The following ANKS1B variants were observed in gnomAD, a reference collection of about 807,000 sequenced individuals.
The protein encoded by ANKS1B is ankyrin repeat and sterile alpha motif domain containing 1B, also known as ankyrin repeat and sterile alpha motif domain-containing protein 1B.
ANKS1B carries 36 observed loss-of-function variants against 148.3 expected under a neutral mutation model. The observed-to-expected ratio is 0.24, with a 90% CI of 0.19 to 0.32. The LOEUF (loss-of-function observed/expected upper bound fraction) is 0.32, where lower values mean the gene tolerates loss of function less well. Ranked by LOEUF, ANKS1B falls within the 10% of genes least tolerant of loss-of-function variation. ANKS1B has a pLI of 1.00. For synonymous variants in ANKS1B, 542 were observed against 560.8 expected (o/e 0.97, Z 0.47); for missense variants, 1,157 against 1,542.6 (o/e 0.75, Z 4.19).
At chr12:99,761,809 C>T (rs1258730994) in intron 8 of ANKS1B, among the ~76,000 whole-genome samples, 5 of 152,058 alleles carry the variant, frequency 3.3e-5, no homozygotes, top group Non-Finnish European at 7.4e-5. Context: ...TAAACTCCAA[C>T]AAAAAGCTGT....
intron 8 of ANKS1B, among the ~76,000 whole-genome samples, chr12:99,667,324 G>C (rs1169459486): frequency 7.0e-6 from 1 of 142,142 alleles, no homozygotes; most frequent in Non-Finnish European, 1.5e-5. Context: ...ACTCCAGTCT[G>C]GGTGACAGAG....
At chr12:99,901,182 T>C (rs1191139028) in intron 1 of ANKS1B, among the ~76,000 whole-genome samples, 5 of 152,118 alleles carry the variant, frequency 3.3e-5, no homozygotes, top group African/African-American at 7.2e-5. Flanking sequence ...TAAAGAACAA[T>C]TACTATATAA....
At chr12:99,452,102 A>G (rs2152823502) in intron 10 of ANKS1B, among the ~76,000 whole-genome samples, 1 of 152,262 alleles carries the variant, frequency 6.6e-6, no homozygotes, top group Non-Finnish European at 1.5e-5. Context: ...TAAATATTGT[A>G]AGCTCTGTAA....
At chr12:99,204,988 T>TA (rs1394587297) in intron 14 of ANKS1B, among the ~76,000 whole-genome samples, 1 of 152,160 alleles carries the variant, frequency 6.6e-6, no homozygotes, top group Non-Finnish European at 1.5e-5. Flanking sequence ...GGAGATGCAT[T>TA]ATTTTATTTT....
intron 17 of ANKS1B, among the ~76,000 whole-genome samples, chr12:98,927,101 AGAGAATCTT>A (rs2099809288): frequency 1.3e-5 from 2 of 152,150 alleles, no homozygotes; most frequent in African/African-American, 4.8e-5. Flanking sequence ...AAAGACAAAA[AGAGAATCTT>A]GAGAATGCCA....
At chr12:99,519,167 T>C (rs1250034765) in intron 9 of ANKS1B, among the ~76,000 whole-genome samples, 2 of 152,148 alleles carry the variant, frequency 1.3e-5, no homozygotes. Flanking sequence ...GAATGATCCA[T>C]GTGCTAAGGA....
At chr12:98,984,846 C>T (rs2153233419) in intron 17 of ANKS1B, among the ~76,000 whole-genome samples, 1 of 152,006 alleles carries the variant, frequency 6.6e-6, no homozygotes, top group African/African-American at 2.4e-5. Flanking sequence ...CCCAACACTG[C>T]AAAAAATTAA....
At chr12:99,302,256 G>T (rs950940971) in intron 12 of ANKS1B, among the ~76,000 whole-genome samples, 2 of 152,042 alleles carry the variant, frequency 1.3e-5, no homozygotes, top group African/African-American at 4.8e-5. Context: ...GAATTTTGCC[G>T]CAGTGTTATC....
chr12:99,327,325 T>TA (rs1366718596), intron 12 of ANKS1B, among the ~76,000 whole-genome samples: 5 of 117,948 alleles, frequency 4.2e-5, no homozygotes, highest in African/African-American at 1.9e-4. Context: ...TAATTACATA[T>TA]TATATATAAT....
At chr12:98,736,499 G>A (rs2097773920) in intron 9 of ANKS1B, among the ~76,000 whole-genome samples, 1 of 152,208 alleles carries the variant, frequency 6.6e-6, no homozygotes, top group African/African-American at 2.4e-5. Context: ...GCCCGTTAAC[G>A]AGACATCCAG....
intron 12 of ANKS1B, among the ~76,000 whole-genome samples, chr12:99,359,489 G>C (rs2092313871): frequency 1.3e-5 from 2 of 151,974 alleles, no homozygotes; most frequent in South Asian, 4.2e-4. Context: ...AAAAAATACA[G>C]CTTATAAAAA....
intron 8 of ANKS1B, among the ~76,000 whole-genome samples, chr12:99,676,938 G>T (rs2098577447): frequency 6.6e-6 from 1 of 152,166 alleles, no homozygotes; most frequent in Non-Finnish European, 1.5e-5. Flanking sequence ...GGAAGAAGGA[G>T]AATGTGTTGT....
At chr12:99,708,943 T>A (rs2056232555) in intron 8 of ANKS1B, among the ~76,000 whole-genome samples, 1 of 152,284 alleles carries the variant, frequency 6.6e-6, no homozygotes, top group Middle Eastern at 3.4e-3. Context: ...ATTACTCATA[T>A]ACAAAGCCAT....
At position 99,397,001 on chromosome 12, in the gene ANKS1B, A is replaced by T. The variant is rs370368947; in HGVS notation, c.1756+2630T>A. 1.2e-4 allele frequency among the ~76,000 whole-genome samples: 19 copies of T among 152,226 alleles called. No homozygotes were observed. In the East Asian group the frequency reaches 2.7e-3, roughly 22 times the overall value. On this transcript the variant is annotated intron_variant, in intron 12 of 26. Transcript: ENST00000683438. ...TTTGAATAATAATTATATGCCCAGA[A>T]CCCTTCCCAGGTCCACATACCACTA...
intron 15 of ANKS1B, among the ~76,000 whole-genome samples, chr12:99,122,279 T>A (rs1234552518): frequency 6.6e-6 from 1 of 152,322 alleles, no homozygotes; most frequent in East Asian, 1.9e-4. Flanking sequence ...ATTAAGAGTA[T>A]GTTGAATAGA....
rs146401531 is a variant in ANKS1B, at chr12:99,648,206, C to T, written c.1272+6861G>A. 80 of 1,613,966 alleles carry T rather than the reference C, an allele frequency of 5.0e-5. No individual in the cohort carries two copies. Among genetic ancestry groups the T allele is most frequent in the Admixed American group, 3.0e-4 (18 of 60,004 alleles). ...GACTGCTGTATGCTACCGTATTACACGGCCCAAAGCAGCCCCGCAATGGGC... is the reference window on the plus strand; with the variant it reads ...GACTGCTGTATGCTACCGTATTACATGGCCCAAAGCAGCCCCGCAATGGGC... On this transcript the variant is annotated intron_variant, in intron 9 of 26. Coordinates refer to ENST00000683438, the MANE Select transcript of ANKS1B (RefSeq NM_001352186.2).
chr12:99,694,861 A>T (rs10860492), intron 8 of ANKS1B, among the ~76,000 whole-genome samples: 26,423 of 152,068 alleles, frequency 0.17, 3,302 homozygotes, highest in East Asian at 0.46. Context: ...TCAGCTTGAA[A>T]ATGTCCACTA....
intron 17 of ANKS1B, among the ~76,000 whole-genome samples, chr12:98,920,597 G>A (rs1333500534): frequency 2.0e-5 from 3 of 152,114 alleles, no homozygotes; most frequent in Non-Finnish European, 2.9e-5. Flanking sequence ...AGAACAGCAC[G>A]GGAAGGACCT....
chr12:99,458,148 G>T (rs780469044), intron 10 of ANKS1B, among the ~76,000 whole-genome samples: 13 of 151,964 alleles, frequency 8.6e-5, no homozygotes, highest in Non-Finnish European at 1.3e-4. Flanking sequence ...CAAATACATA[G>T]AAACTGAATA....
Sources: allele counts gnomAD v4.1 joint callset (sites outside exome capture counted in the v4.1 genomes callset), GRCh38; gene constraint gnomAD v4.1.1; transcripts MANE v1.5; gene names NCBI Gene and HGNC (gene_info 2026-07-23, HGNC 2026-07-21).